The following TEX9 variants were observed in gnomAD, a reference collection of about 807,000 sequenced individuals.
The protein encoded by TEX9 is testis expressed 9.
TEX9 carries 74 observed loss-of-function variants against 59.6 expected under a neutral mutation model. That is an observed-to-expected ratio of 1.24 (90% CI 1.03 to 1.51). The LOEUF is 1.51. Among genes scored for constraint, TEX9 ranks in the 40% most tolerant of loss-of-function variants. The probability of loss-of-function intolerance (pLI) is 0.00; values close to 1 mark genes in which losing one functional copy is unlikely to be tolerated. For missense variants in TEX9, 522 were observed against 447.8 expected (o/e 1.17, Z -1.49); for synonymous variants, 186 against 152.2 (o/e 1.22, Z -1.64).
At chr15:56,325,195 A>G (rs1262305616) in intron 1 of TEX9, among the ~76,000 whole-genome samples, 1 of 152,226 alleles carries the variant, frequency 6.6e-6, no homozygotes, top group Non-Finnish European at 1.5e-5. Context: ...AGTGAATTAT[A>G]GAATCATATA....
intron 1 of TEX9, among the ~76,000 whole-genome samples, chr15:56,357,307 C>T (rs1410231854): frequency 5.3e-5 from 8 of 152,144 alleles, no homozygotes; most frequent in Non-Finnish European, 1.5e-5. Flanking sequence ...GCTATTAAAA[C>T]ACCTACTTTA....
intron 3 of TEX9, among the ~76,000 whole-genome samples, chr15:56,382,153 A>G (rs2047759509): frequency 1.3e-5 from 2 of 152,138 alleles, no homozygotes; most frequent in Non-Finnish European, 2.9e-5. Context: ...ACCAGTCCAT[A>G]GCAGGGTTCT....
chr15:56,360,603 G>A (rs1379880671), upstream of TEX9, among the ~76,000 whole-genome samples: 1 of 151,880 alleles, frequency 6.6e-6, no homozygotes, highest in African/African-American at 2.4e-5. Flanking sequence ...TTAATTTTCT[G>A]TATATTATGA....
rs1177744993 is a variant in TEX9, at chr15:56,412,286, CT to C, written c.829-10del. 1.9e-6 allele frequency: 3 copies of C among 1,582,730 alleles called. No homozygotes were observed. The highest frequency in any genetic ancestry group is 2.6e-6 in the Non-Finnish European group (3 of 1,169,750). On this transcript the variant is annotated splice_polypyrimidine_tract_variant and intron_variant, in intron 9 of 12. Coordinates refer to ENST00000352903, the Ensembl canonical transcript of TEX9. ...GATATATTTATAAATGTTCCATAAT[CT>C]TTTTTACTATACAGGAATTAGAAAA... is the stretch of plus-strand genomic sequence containing the variant.
At chr15:56,245,344 A>G (rs1328457582) in intron 1 of TEX9, among the ~76,000 whole-genome samples, 2 of 152,140 alleles carry the variant, frequency 1.3e-5, no homozygotes, top group South Asian at 2.1e-4. Context: ...TGTGTGCAAA[A>G]TAAGCCGCCC....
rs1203152382 is a variant in TEX9 at position 56,384,039 on chromosome 15, T to A, written c.263+8T>A. On this transcript the variant is annotated splice_region_variant and intron_variant, in intron 4 of 12. Transcript: ENST00000352903. ...AGATGATTACAGTTTAAGGTAAGTA[T>A]CTTAAATTCTCAAGCACCTTCTTTT... is the stretch of plus-strand genomic sequence containing the variant. 6.2e-7 allele frequency: 1 copy of A among 1,601,188 alleles called. No homozygotes were observed. Among genetic ancestry groups the A allele is most frequent in the Admixed American group, 1.7e-5 (1 of 58,670 alleles).
chr15:56,283,607 T>C (rs1051568343), intron 1 of TEX9, among the ~76,000 whole-genome samples: 19 of 152,126 alleles, frequency 1.2e-4, no homozygotes, highest in Non-Finnish European at 2.5e-4. Flanking sequence ...CAAAATAAAT[T>C]CCAGATGGTT....
At chr15:56,345,066 C>CATATATATATGTAT (rs750065447) in intron 1 of TEX9, among the ~76,000 whole-genome samples, 33 of 135,038 alleles carry the variant, frequency 2.4e-4, no homozygotes, top group Non-Finnish European at 1.6e-5. Flanking sequence ...TACACACACA[C>CATATATATATGTAT]ATATATATAT....
chr15:56,292,465 T>C (rs550389058), intron 1 of TEX9, among the ~76,000 whole-genome samples: 167 of 152,288 alleles, frequency 1.1e-3, no homozygotes, highest in African/African-American at 3.8e-3. Flanking sequence ...TGCCTGGTTT[T>C]AACACTATAC....
At chr15:56,276,743 G>T (rs1385736126) in intron 1 of TEX9, among the ~76,000 whole-genome samples, 1 of 152,108 alleles carries the variant, frequency 6.6e-6, no homozygotes, top group African/African-American at 2.4e-5. Context: ...GATCCTTGAG[G>T]AATCACCACA....
chr15:56,318,272 A>G (rs1225385426), intron 1 of TEX9, among the ~76,000 whole-genome samples: 1 of 152,128 alleles, frequency 6.6e-6, no homozygotes, highest in African/African-American at 2.4e-5. Context: ...TGTCTCTGTT[A>G]ACACTTTTTG....
At chr15:56,381,567 C>T (rs2047726871) in intron 3 of TEX9, among the ~76,000 whole-genome samples, 1 of 152,174 alleles carries the variant, frequency 6.6e-6, no homozygotes, top group Non-Finnish European at 1.5e-5. Context: ...TATTTAAAGG[C>T]ACTTGGGCCC....
chr15:56,341,068 A>G (rs2046363610), intron 1 of TEX9, among the ~76,000 whole-genome samples: 1 of 152,088 alleles, frequency 6.6e-6, no homozygotes. Flanking sequence ...CTAGGGTTGG[A>G]AATGCTATAT....
chr15:56,261,855 G>A (rs1246943318), intron 1 of TEX9, among the ~76,000 whole-genome samples: 11 of 152,144 alleles, frequency 7.2e-5, no homozygotes, highest in Non-Finnish European at 1.5e-4. Context: ...CCGACCCAAG[G>A]AATATGCCAC....
At chr15:56,406,385 G>A (rs1287781164) in intron 9 of TEX9, among the ~76,000 whole-genome samples, 1 of 152,050 alleles carries the variant, frequency 6.6e-6, no homozygotes, top group African/African-American at 2.4e-5. Flanking sequence ...TTTTTCTAGT[G>A]TGGGCTATTA....
rs565400089 is a variant in TEX9, at chr15:56,419,182, G to A, written c.963+6746G>A. ...TGTTATAAATGTTCTTTAAATTCCA[G>A]TTTCCCATTGTTTGTTGCTATAATG... On this transcript the variant is annotated intron_variant, in intron 10 of 12. Coordinates refer to ENST00000352903, the Ensembl canonical transcript of TEX9. 2.4e-4 allele frequency among the ~76,000 whole-genome samples: 36 copies of A among 151,506 alleles called. 1 individual carries two copies. In the South Asian group the frequency reaches 7.5e-3, roughly 31 times the overall value.
At chr15:56,394,463 A>T (rs764167022) in intron 8 of TEX9, 198 bp from the exon 9 acceptor site, 15 of 623,924 alleles carry the variant, frequency 2.4e-5, no homozygotes, top group Non-Finnish European at 4.1e-5. Flanking sequence ...TCTCTATATT[A>T]GTCTTACAAA....
At position 56,424,978 on chromosome 15, in the gene TEX9, T is replaced by C. The variant is rs138627570; in HGVS notation, c.964-2627T>C. Among the ~76,000 whole-genome samples the C allele has an allele frequency of 1.7e-3, 259 of 152,272 alleles. 1 individual carries two copies. The highest frequency in any genetic ancestry group is 5.7e-3 in the African/African-American group (238 of 41,566). ...CCTCAGCTCTTATCTAGGAATGTCTTAATTTCTTTTTCATTTTTGAAGGAC... is the reference window on the plus strand; with the variant it reads ...CCTCAGCTCTTATCTAGGAATGTCTCAATTTCTTTTTCATTTTTGAAGGAC... On this transcript the variant is annotated intron_variant, in intron 10 of 12. Transcript: ENST00000352903.
rs1180052230 is a variant in TEX9 at position 56,282,611 on chromosome 15, TA to T, written c.-107+38337del. Among the ~76,000 whole-genome samples, 9 of 152,122 alleles carry T rather than the reference TA, an allele frequency of 5.9e-5. No homozygotes were observed. The South Asian group carries it at 1.7e-3, about 28-fold the overall frequency. On this transcript the variant is annotated intron_variant, in intron 1 of 5. Transcript: ENST00000560827. ...CCATTAGAATTACTGTGACTTTTAT[TA>T]AAACACTAAGTCCAGGAAAAATGTA...
Sources: allele counts gnomAD v4.1 joint callset (sites outside exome capture counted in the v4.1 genomes callset), GRCh38; gene constraint gnomAD v4.1.1; transcripts MANE v1.5; gene names NCBI Gene and HGNC (gene_info 2026-07-23, HGNC 2026-07-21).